SLC14A2: variants seen among roughly 807,000 people sequenced by gnomAD.
SLC14A2 encodes urea transporter 2.
SLC14A2 carries 91 observed loss-of-function variants against 104.6 expected under a neutral mutation model. That is an observed-to-expected ratio of 0.87 (90% confidence interval 0.73 to 1.04). The LOEUF (loss-of-function observed/expected upper bound fraction) is 1.04. Among genes scored for constraint, SLC14A2 ranks in the 50% least tolerant of loss-of-function variants. SLC14A2 has a pLI of 0.00. For missense variants in SLC14A2, 1,189 were observed against 1,156.0 expected (o/e 1.03, Z -0.41); for synonymous variants, 476 against 466.4 (o/e 1.02, Z -0.27).
the SLC14A2 span, among the ~76,000 whole-genome samples, chr18:45,179,458 C>T: frequency 1.3e-5 from 2 of 151,596 alleles, no homozygotes; most frequent in Non-Finnish European, 2.9e-5. Flanking sequence ...TTAATGCACT[C>T]TTTTGAAGAA....
chr18:45,351,117 G>C (rs2085499211), intron 1 of SLC14A2, among the ~76,000 whole-genome samples: 1 of 152,056 alleles, frequency 6.6e-6, no homozygotes, highest in African/African-American at 2.4e-5. Flanking sequence ...GCTTTCTGAT[G>C]ATGGTGTTCT....
At chr18:45,444,491 GT>G (rs1156801990) in intron 1 of SLC14A2, among the ~76,000 whole-genome samples, 1 of 152,140 alleles carries the variant, frequency 6.6e-6, no homozygotes, top group African/African-American at 2.4e-5. Flanking sequence ...TCTGAAATAG[GT>G]TTTCAGAAGG....
intron 2 of SLC14A2, among the ~76,000 whole-genome samples, chr18:45,607,595 A>G (rs4890557): frequency 0.62 from 95,008 of 152,124 alleles, 29,916 homozygotes; most frequent in East Asian, 0.66. Context: ...TAATGTATTC[A>G]TTATCTATCA....
At chr18:45,412,061 T>C (rs769051060) in intron 1 of SLC14A2, among the ~76,000 whole-genome samples, 6 of 152,210 alleles carry the variant, frequency 3.9e-5, no homozygotes, top group Non-Finnish European at 8.8e-5. Flanking sequence ...AAATGAAGCA[T>C]ATGCCCCTAA....
intron 1 of SLC14A2, among the ~76,000 whole-genome samples, chr18:45,325,813 A>T (rs993670353): frequency 1.3e-5 from 2 of 152,166 alleles, no homozygotes; most frequent in South Asian, 4.1e-4. Context: ...ACTGTTTCCA[A>T]ACCTGTGTGC....
chr18:45,307,093 T>C (rs1018169669), intron 1 of SLC14A2, among the ~76,000 whole-genome samples: 1 of 152,076 alleles, frequency 6.6e-6, no homozygotes, highest in Admixed American at 6.6e-5. Flanking sequence ...CTTGAGGGCA[T>C]CAGTCTTCAT....
chr18:45,312,788 T>C (rs564961213), intron 1 of SLC14A2, among the ~76,000 whole-genome samples: 33 of 152,340 alleles, frequency 2.2e-4, no homozygotes, highest in Non-Finnish European at 4.3e-4. Context: ...TTTTCCAGTC[T>C]ACTTAGCCAA....
At chr18:45,340,648 G>A (rs2085384499) in intron 1 of SLC14A2, among the ~76,000 whole-genome samples, 1 of 152,228 alleles carries the variant, frequency 6.6e-6, no homozygotes, top group African/African-American at 2.4e-5. Flanking sequence ...CTGGTCTTTT[G>A]TAGGCTAGAG....
Position 45,440,977 on chromosome 18 carries a change from T to C in SLC14A2, c.-124-42256T>C, listed in dbSNP as rs150445228. Among the ~76,000 whole-genome samples, 86 of 152,226 alleles carry C rather than the reference T, an allele frequency of 5.6e-4. No homozygotes were observed. In the East Asian group the frequency reaches 0.015, roughly 26 times the overall value. On this transcript the variant is annotated intron_variant, in intron 1 of 20. Coordinates refer to the SLC14A2 transcript ENST00000586448. ...TCCAGGCTGCCGTGTTCGTGCTTCATTGTGTTTTGATCTGCCATTGACTGA... is the reference window on the plus strand; with the variant it reads ...TCCAGGCTGCCGTGTTCGTGCTTCACTGTGTTTTGATCTGCCATTGACTGA...
intron 2 of SLC14A2, among the ~76,000 whole-genome samples, chr18:45,550,594 T>C (rs995447993): frequency 1.3e-5 from 2 of 151,020 alleles, no homozygotes; most frequent in African/African-American, 4.8e-5. Context: ...TCAATCACCA[T>C]TACCACCTTC....
At chr18:45,231,471 AG>A (rs1179723784) in intron 1 of SLC14A2, among the ~76,000 whole-genome samples, 2 of 152,186 alleles carry the variant, frequency 1.3e-5, no homozygotes, top group Admixed American at 1.3e-4. Context: ...CCAAATGGGA[AG>A]TACTGTGATT....
chr18:45,384,325 T>C (rs2085870947), intron 1 of SLC14A2, among the ~76,000 whole-genome samples: 1 of 152,132 alleles, frequency 6.6e-6, no homozygotes, highest in African/African-American at 2.4e-5. Flanking sequence ...AGCATGGCAT[T>C]GTGGAAAGCA....
chr18:45,497,044 G>A (rs1445867654), intron 2 of SLC14A2, among the ~76,000 whole-genome samples: 1 of 152,152 alleles, frequency 6.6e-6, no homozygotes, highest in Non-Finnish European at 1.5e-5. Context: ...CTCTTCCCCA[G>A]CTTGCAGACA....
chr18:45,252,723 C>T (rs1214096530), intron 1 of SLC14A2, among the ~76,000 whole-genome samples: 1 of 149,474 alleles, frequency 6.7e-6, no homozygotes, highest in African/African-American at 2.5e-5. Context: ...ATTTGAGAGA[C>T]ATTAAAATCA....
chr18:45,179,598 A>G, the SLC14A2 span, among the ~76,000 whole-genome samples: 2 of 152,236 alleles, frequency 1.3e-5, no homozygotes, highest in African/African-American at 4.8e-5. Flanking sequence ...ACCTTTCCTC[A>G]GTGTCACTGA....
At chr18:45,611,726 G>T (rs918944447), upstream of SLC14A2, among the ~76,000 whole-genome samples, 2 of 152,186 alleles carry the variant, frequency 1.3e-5, no homozygotes, top group African/African-American at 2.4e-5. Context: ...AGCAAAGAAG[G>T]CTGAGACAGT....
intron 2 of SLC14A2, among the ~76,000 whole-genome samples, chr18:45,597,086 G>A (rs2044726983): frequency 6.6e-6 from 1 of 152,254 alleles, no homozygotes; most frequent in African/African-American, 2.4e-5. Context: ...GGGAGGCCGA[G>A]GCGGGTGGAT....
At chr18:45,420,320 C>T (rs1160068811) in intron 1 of SLC14A2, among the ~76,000 whole-genome samples, 1 of 152,032 alleles carries the variant, frequency 6.6e-6, no homozygotes, top group Non-Finnish European at 1.5e-5. Context: ...CCTTGGAAGT[C>T]ATATACCATA....
chr18:45,226,172 G>A (rs1418680118), intron 1 of SLC14A2, among the ~76,000 whole-genome samples: 2 of 152,174 alleles, frequency 1.3e-5, no homozygotes, highest in African/African-American at 4.8e-5. Context: ...GGAAACAACA[G>A]GTGCTGGAGA....
Sources: allele counts gnomAD v4.1 joint callset (sites outside exome capture counted in the v4.1 genomes callset), GRCh38; gene constraint gnomAD v4.1.1; transcripts MANE v1.5; gene names NCBI Gene and HGNC (gene_info 2026-07-23, HGNC 2026-07-21).